Variants in PI4K2B observed in about 807,000 individuals in gnomAD.
PI4K2B encodes phosphatidylinositol 4-kinase type 2 beta.
A neutral mutation model predicts 56.6 loss-of-function variants in PI4K2B; 46 were observed. The observed-to-expected ratio is 0.81, with a 90% CI of 0.64 to 1.04. PI4K2B has a LOEUF of 1.04. Ranked by LOEUF, PI4K2B falls within the 50% of genes least tolerant of loss-of-function variation. The pLI, the probability that PI4K2B is intolerant of heterozygous loss-of-function variation, is 0.00. For synonymous variants in PI4K2B, 211 were observed against 223.8 expected (o/e 0.94, Z 0.51); for missense variants, 556 against 607.7 (o/e 0.91, Z 0.89).
chr4:25,258,835 A>C (rs1716352093), intron 4 of PI4K2B, among the ~76,000 whole-genome samples: 1 of 152,008 alleles, frequency 6.6e-6, no homozygotes, highest in Non-Finnish European at 1.5e-5. Context: ...AGCATTTTTT[A>C]TTTGCTATGT....
chr4:25,267,651 T>C, intron 7 of PI4K2B: 1 of 338,260 alleles, frequency 3.0e-6, no homozygotes, highest in South Asian at 1.2e-4. Context: ...TGGATGATCA[T>C]GTCAAAAACC....
At chr4:25,268,386 G>T (rs1299498408) in intron 7 of PI4K2B, 57 bp from the exon 8 acceptor site, 1 of 1,423,060 alleles carries the variant, frequency 7.0e-7, no homozygotes, top group Non-Finnish European at 9.7e-7. Flanking sequence ...CGGGAAAAAT[G>T]TAAGTCTAAA....
chr4:25,238,554 G>A (rs1201538911), intron 1 of PI4K2B, among the ~76,000 whole-genome samples: 1 of 152,040 alleles, frequency 6.6e-6, no homozygotes, highest in South Asian at 2.1e-4. Context: ...CTGATGTTCG[G>A]ATGTGTTCGG....
intron 1 of PI4K2B, among the ~76,000 whole-genome samples, chr4:25,241,960 T>G (rs1196395097): frequency 6.6e-6 from 1 of 152,198 alleles, no homozygotes; most frequent in East Asian, 1.9e-4. Flanking sequence ...CTGGGTTTCC[T>G]TGTTTAGAGT....
chr4:25,264,663 G>A (rs938357151), intron 7 of PI4K2B, among the ~76,000 whole-genome samples: 1 of 152,064 alleles, frequency 6.6e-6, no homozygotes, highest in African/African-American at 2.4e-5. Flanking sequence ...TTGAGCTCAG[G>A]AGTCCAAGAC....
At chr4:25,235,960 C>A (rs1169790820) in intron 1 of PI4K2B, among the ~76,000 whole-genome samples, 1 of 151,756 alleles carries the variant, frequency 6.6e-6, no homozygotes, top group Non-Finnish European at 1.5e-5. Context: ...TCGAGACCCA[C>A]CTGGGCAACA....
chr4:25,277,134 A>T lies in PI4K2B; in HGVS notation c.1393A>T (p.Asn465Tyr), dbSNP rs1170442936. 1 of 1,613,948 alleles carries T rather than the reference A, an allele frequency of 6.2e-7. No homozygotes were observed. Among genetic ancestry groups the T allele is most frequent in the Non-Finnish European group, 8.5e-7 (1 of 1,179,876 alleles). Reference protein sequence around the residue: ...GSQGRIVHLSNSFTQTVNCRK... With the variant: ...GSQGRIVHLSYSFTQTVNCRK... The stretch of plus-strand genomic sequence containing the variant: ...TCAGGGTCGGATTGTCCACCTGAGC[A>T]ATTCCTTTACCCAGACTGTCAATTG... Residue 465 changes from asparagine (N) to tyrosine (Y), a missense_variant, in exon 10 of 10, where the codon AAT (asparagine) becomes TAT (tyrosine). By Grantham distance (143) the Asn-to-Tyr change is moderately radical. Coordinates refer to ENST00000264864, the MANE Select transcript of PI4K2B (RefSeq NM_018323.4).
chr4:25,239,384 C>T (rs1206219897), intron 1 of PI4K2B, among the ~76,000 whole-genome samples: 1 of 152,192 alleles, frequency 6.6e-6, no homozygotes, highest in Non-Finnish European at 1.5e-5. Context: ...TGAGCCCTGC[C>T]CTACGGGGAG....
At chr4:25,239,358 G>A (rs923740022) in intron 1 of PI4K2B, among the ~76,000 whole-genome samples, 1 of 152,240 alleles carries the variant, frequency 6.6e-6, no homozygotes, top group East Asian at 1.9e-4. Context: ...GCTCAGGCAT[G>A]GCCGGCTGTA....
chr4:25,267,959 A>G, intron 7 of PI4K2B: 1 of 589,490 alleles, frequency 1.7e-6, no homozygotes, highest in Non-Finnish European at 2.1e-6. Context: ...GGTGATATGC[A>G]TCTGTAGTTC....
At chr4:25,254,033 T>C (rs1716162856) in intron 2 of PI4K2B, among the ~76,000 whole-genome samples, 1 of 152,224 alleles carries the variant, frequency 6.6e-6, no homozygotes. Context: ...GTGCTGGGAT[T>C]ACAGGTGTGA....
chr4:25,260,340 G>A (rs1424517149), intron 5 of PI4K2B, among the ~76,000 whole-genome samples, 184 bp from the exon 6 acceptor site: 2 of 150,048 alleles, frequency 1.3e-5, no homozygotes, highest in African/African-American at 4.9e-5. Context: ...TTCAATAAAT[G>A]TTAGCTCACA....
intron 9 of PI4K2B, among the ~76,000 whole-genome samples, chr4:25,271,609 C>G (rs1185337266): frequency 6.6e-6 from 1 of 152,050 alleles, no homozygotes; most frequent in Non-Finnish European, 1.5e-5. Flanking sequence ...TTTTGCCATC[C>G]CAAAACTTAT....
intron 9 of PI4K2B, among the ~76,000 whole-genome samples, chr4:25,274,589 C>G (rs1717030020): frequency 6.6e-6 from 1 of 152,154 alleles, no homozygotes; most frequent in African/African-American, 2.4e-5. Context: ...TCTTTAAGGG[C>G]TTACATGGCT....
rs1195902188 is a variant in PI4K2B, at chr4:25,255,162, G to T, written c.521G>T (p.Cys174Phe). 6.2e-7 allele frequency: 1 copy of T among 1,614,150 alleles called. No homozygotes were observed. The highest frequency in any genetic ancestry group is 8.5e-7 in the Non-Finnish European group (1 of 1,179,994). ...GTCCATAAGGTCTGCTGCCCTTGCT[G>T]CTTTGGCCGAGGCTGCCTGATTCCT... ...KYVHKVCCPCCFGRGCLIPNQ... is the reference protein window; with the variant it reads ...KYVHKVCCPCFFGRGCLIPNQ... Residue 174 changes from cysteine to phenylalanine, a missense_variant, in exon 3 of 10, where the codon TGC (cysteine) becomes TTC (phenylalanine). Cys to Phe is a radical substitution (Grantham distance 205, BLOSUM62 -2). Transcript: ENST00000264864.
intron 1 of PI4K2B, chr4:25,250,656 A>G (rs1026927546): frequency 2.0e-5 from 3 of 152,252 alleles, no homozygotes; most frequent in Admixed American, 6.5e-5. Context: ...AAGTTTACCT[A>G]TGTAACCTGC....
chr4:25,276,816 T>C (rs764216325), intron 9 of PI4K2B, 198 bp from the exon 10 acceptor site: 258 of 814,882 alleles, frequency 3.2e-4, no homozygotes, highest in Middle Eastern at 6.3e-4. Flanking sequence ...TGTGTGTGTG[T>C]GCGCGTGTGT....
rs1717209950 is a variant in PI4K2B at position 25,279,076 on chromosome 4, T to C, written c.*1889T>C. Reference sequence around the variant, plus strand: ...TGTGGTAGACTAAAGGTAATAAAAATCATTGTCTTAAGATTATGTTCTTCT... The same window carrying C: ...TGTGGTAGACTAAAGGTAATAAAAACCATTGTCTTAAGATTATGTTCTTCT... On this transcript the variant is annotated 3_prime_UTR_variant, in exon 10 of 10. Transcript: ENST00000264864. 1 of 152,530 alleles carries C rather than the reference T, an allele frequency of 6.6e-6. No homozygotes were observed. The allele number at this position is 152,530 out of a possible 1,614,324, so 9.4% of individuals were successfully genotyped here.
At chr4:25,239,748 C>T (rs537246125) in intron 1 of PI4K2B, among the ~76,000 whole-genome samples, 131 of 152,328 alleles carry the variant, frequency 8.6e-4, no homozygotes, top group Non-Finnish European at 6.6e-4. Context: ...GAGGAGGCGC[C>T]GAGAGTGAGC....
Sources: allele counts gnomAD v4.1 joint callset (sites outside exome capture counted in the v4.1 genomes callset), GRCh38; gene constraint gnomAD v4.1.1; transcripts MANE v1.5; gene names NCBI Gene and HGNC (gene_info 2026-07-23, HGNC 2026-07-21).